Variants in ZPBP observed in about 807,000 individuals in gnomAD.
The protein encoded by ZPBP is zona pellucida-binding protein 1.
Under a neutral mutation model 44.8 loss-of-function variants are expected in ZPBP, and 26 were observed. The observed-to-expected ratio is 0.58, with a 90% confidence interval of 0.43 to 0.81. The LOEUF is 0.81. Ranked by LOEUF, ZPBP falls within the 30% of genes least tolerant of loss-of-function variation. The probability of loss-of-function intolerance (pLI) is 0.00; values close to 1 mark genes in which losing one functional copy is unlikely to be tolerated. For missense variants in ZPBP, 409 were observed against 434.0 expected, an observed-to-expected ratio of 0.94 and a Z score of 0.51; for synonymous variants, 174 against 153.2, an observed-to-expected ratio of 1.14 and a Z score of -1.00.
At position 49,980,329 on chromosome 7, in the gene ZPBP, ATATAT is replaced by A. The variant is rs571390028; in HGVS notation, c.961+3008_961+3012del. On this transcript the variant is annotated intron_variant, in intron 7 of 7. Transcript: ENST00000046087. ...ATAATATAAATATATAATATATAAC[ATATAT>A]TATATAATACATAATATAAAAATTA... Among the ~76,000 whole-genome samples, 812 of 136,446 alleles carry A rather than the reference ATATAT, an allele frequency of 6.0e-3. 10 individuals carry two copies. The highest frequency in any genetic ancestry group is 0.02 in the African/African-American group (753 of 36,896). 89.5% of individuals were successfully genotyped at this position (136,446 alleles called of 152,430 possible). A position where few individuals can be genotyped will look rare whatever the true frequency, so the allele number is the denominator to read the frequency against.
chr7:49,859,790 G>GCGCACA (rs765470720), intron 2 of ZPBP, among the ~76,000 whole-genome samples: 4 of 12,024 alleles, frequency 3.3e-4, no homozygotes, highest in Non-Finnish European at 6.9e-4. Flanking sequence ...GCGCGTGCGT[G>GCGCACA]CACACACACA....
intron 5 of ZPBP, among the ~76,000 whole-genome samples, chr7:50,029,466 G>C (rs575974354): frequency 9.2e-5 from 14 of 152,216 alleles, no homozygotes; most frequent in African/African-American, 3.4e-4. Context: ...GAAAAAATAG[G>C]TAAATTGGAC....
At chr7:49,866,012 A>AT (rs943193387) in intron 2 of ZPBP, among the ~76,000 whole-genome samples, 14 of 151,994 alleles carry the variant, frequency 9.2e-5, no homozygotes, top group African/African-American at 2.9e-4. Flanking sequence ...TGCTTTTATC[A>AT]TTTTTTCTTT....
downstream of ZPBP, among the ~76,000 whole-genome samples, chr7:49,934,146 C>A (rs578018287): frequency 7.3e-4 from 111 of 151,804 alleles, no homozygotes; most frequent in Non-Finnish European, 1.3e-3. Flanking sequence ...TGCCCCAGTT[C>A]TTTTCATATC....
intron 4 of ZPBP, among the ~76,000 whole-genome samples, chr7:50,047,455 C>T (rs1800431211): frequency 6.6e-6 from 1 of 151,956 alleles, no homozygotes; most frequent in African/African-American, 2.4e-5. Context: ...AGACCAGACA[C>T]AGAGTACATA....
chr7:49,945,820 T>C (rs1795082017), intron 7 of ZPBP, among the ~76,000 whole-genome samples: 1 of 152,152 alleles, frequency 6.6e-6, no homozygotes, highest in Non-Finnish European at 1.5e-5. Flanking sequence ...CTGGAGAGTT[T>C]AGTGCATTTA....
chr7:49,892,092 G>T (rs1792162546), intron 2 of ZPBP, among the ~76,000 whole-genome samples: 1 of 143,196 alleles, frequency 7.0e-6, no homozygotes, highest in Non-Finnish European at 1.5e-5. Context: ...TGGCCCAGGC[G>T]GGAGTGCAGT....
chr7:49,908,088 A>G (rs1326081853), intron 1 of ZPBP, among the ~76,000 whole-genome samples: 2 of 152,248 alleles, frequency 1.3e-5, no homozygotes, highest in Non-Finnish European at 2.9e-5. Flanking sequence ...GACAAAATAC[A>G]TCTATTTCTT....
chr7:49,937,415 A>G (rs1794658271), downstream of ZPBP: 1 of 814,312 alleles, frequency 1.2e-6, no homozygotes, highest in Non-Finnish European at 2.1e-6. Flanking sequence ...GATTAAAATG[A>G]TGACACATTT....
chr7:50,055,160 G>T (rs890207174), intron 4 of ZPBP, among the ~76,000 whole-genome samples: 6 of 152,116 alleles, frequency 3.9e-5, no homozygotes, highest in Admixed American at 1.3e-4. Context: ...AGTATGGTGG[G>T]GGGTATGGTG....
chr7:50,089,793 T>C (rs1802858931), intron 1 of ZPBP, 84 bp from the exon 2 acceptor site: 2 of 1,079,962 alleles, frequency 1.9e-6, no homozygotes, highest in African/African-American at 3.1e-5. Context: ...TTGGTATTGG[T>C]TGAAGGGGAG....
intron 2 of ZPBP, among the ~76,000 whole-genome samples, chr7:49,865,670 C>T (rs1395601191): frequency 1.3e-5 from 2 of 152,200 alleles, no homozygotes; most frequent in Non-Finnish European, 1.5e-5. Context: ...TTGTCCAAAG[C>T]AAGTCACATG....
intron 2 of ZPBP, among the ~76,000 whole-genome samples, chr7:49,869,964 T>C (rs1032053271): frequency 2.6e-5 from 4 of 152,138 alleles, no homozygotes; most frequent in South Asian, 2.1e-4. Flanking sequence ...CAAAATATTA[T>C]GCTGAATAAA....
At chr7:49,906,237 C>T (rs2128739578) in intron 1 of ZPBP, among the ~76,000 whole-genome samples, 1 of 152,122 alleles carries the variant, frequency 6.6e-6, no homozygotes, top group African/African-American at 2.4e-5. Flanking sequence ...ATCAGGACCC[C>T]TTTCTAGTAA....
At chr7:49,870,589 C>T (rs551171202) in intron 2 of ZPBP, among the ~76,000 whole-genome samples, 48 of 152,126 alleles carry the variant, frequency 3.2e-4, no homozygotes, top group African/African-American at 1.1e-3. Flanking sequence ...GCATGTCTTA[C>T]GAGTAGGATT....
intron 2 of ZPBP, among the ~76,000 whole-genome samples, chr7:49,882,829 T>A (rs562064462): frequency 6.6e-6 from 1 of 152,272 alleles, no homozygotes; most frequent in African/African-American, 2.4e-5. Context: ...TTCAACTACA[T>A]CTTCTATTTT....
chr7:49,884,470 G>A (rs1369013185), intron 2 of ZPBP, among the ~76,000 whole-genome samples: 1 of 152,144 alleles, frequency 6.6e-6, no homozygotes, highest in African/African-American at 2.4e-5. Context: ...TCGGGGTGGG[G>A]TAAGAAAGTC....
At chr7:49,919,587 T>C (rs1793914174) in intron 1 of ZPBP, 1 of 152,172 alleles carries the variant, frequency 6.6e-6, no homozygotes, top group East Asian at 1.9e-4. Context: ...CCCAATTTAA[T>C]TTAATATAGA....
chr7:49,889,841 G>A (rs1792056582), intron 2 of ZPBP, among the ~76,000 whole-genome samples: 1 of 152,130 alleles, frequency 6.6e-6, no homozygotes, highest in African/African-American at 2.4e-5. Context: ...GCCCCAGTAT[G>A]CCGTCATTCA....
Sources: gnomAD v4.1 joint callset for allele counts (sites outside exome capture counted in the v4.1 genomes callset) on GRCh38, gnomAD v4.1.1 for gene constraint, MANE v1.5 for transcripts, NCBI Gene and HGNC (gene_info 2026-07-23, HGNC 2026-07-21) for gene names.